Variants in USP13 observed in about 807,000 individuals in gnomAD.
USP13 encodes ubiquitin specific peptidase 13.
Under a neutral mutation model 107.8 loss-of-function variants are expected in USP13, and 68 were observed. That is an observed-to-expected ratio of 0.63 (90% CI 0.52 to 0.77). The LOEUF is 0.77. USP13 is among the 30% of genes least tolerant of loss of function. The pLI is 0.00. For missense variants in USP13, 945 were observed against 1,093.3 expected (o/e 0.86, Z 1.91); for synonymous variants, 377 against 389.5 (o/e 0.97, Z 0.38).
chr3:179,673,419 A>G (rs539586178), intron 1 of USP13, among the ~76,000 whole-genome samples: 83 of 152,180 alleles, frequency 5.5e-4, no homozygotes, highest in Non-Finnish European at 1.0e-3. Context: ...GCCCTGTACC[A>G]GGTACTATTT....
Position 179,740,283 on chromosome 3 carries a change from G to A in USP13, c.1291G>A (p.Ala431Thr), listed in dbSNP as rs777860527. 3 of 1,614,046 alleles carry A rather than the reference G, an allele frequency of 1.9e-6. No homozygotes were observed. Among genetic ancestry groups the A allele is most frequent in the Admixed American group, 1.7e-5 (1 of 59,988 alleles). ...QNGISPRMFK[A>T]FVSKSHPEFS... is the part of the protein sequence containing the mutation. ...CGGGATCTCTCCGCGCATGTTTAAG[G>A]CCTTTGTAAGCAAGAGCCACCCGGA... Residue 431 changes from alanine to threonine, a missense_variant, in exon 11 of 21, where the codon GCC (alanine) becomes ACC (threonine). By Grantham distance (58) the Ala-to-Thr change is moderately conservative. Coordinates refer to ENST00000263966, the MANE Select transcript of USP13 (RefSeq NM_003940.3).
intron 20 of USP13, 88 bp downstream of exon 20, chr3:179,781,911 A>G (rs1715761661): frequency 2.5e-6 from 3 of 1,201,524 alleles, no homozygotes; most frequent in Middle Eastern, 2.0e-4. Flanking sequence ...ATTGTATGTT[A>G]TCTTATTTGG....
In USP13 at chr3:179,655,548, G is replaced by GTTTTTTTTTTTTTTTTTTTTTTTTTT. The variant is rs150977876; in HGVS notation, c.168+2163_168+2164insTTTTTTTTTTTTTTTTTTTTTTTTTT. Among the ~76,000 whole-genome samples the GTTTTTTTTTTTTTTTTTTTTTTTTTT allele has an allele frequency of 1.1e-4, 15 of 131,426 alleles. No individual in the cohort carries two copies. The East Asian group carries it at 1.7e-3, about 15-fold the overall frequency. 86.2% of individuals were successfully genotyped at this position (131,426 alleles called of 152,430 possible). A position where few individuals can be genotyped will look rare whatever the true frequency, so the allele number is the denominator to read the frequency against. Reference sequence around the variant, plus strand: ...AAGCACAGTGCGTGATAATGGGAAGGTTTTTTTTGTTTTGTTTTGTTTTTT... The same window carrying GTTTTTTTTTTTTTTTTTTTTTTTTTT: ...AAGCACAGTGCGTGATAATGGGAAGGTTTTTTTTTTTTTTTTTTTTTTTTTTTTTTTTTTGTTTTGTTTTGTTTTTT... On this transcript the variant is annotated intron_variant, in intron 1 of 20. Transcript: ENST00000263966.
intron 4 of USP13, among the ~76,000 whole-genome samples, chr3:179,704,800 C>T (rs913395248): frequency 3.3e-5 from 5 of 152,110 alleles, no homozygotes; most frequent in African/African-American, 4.8e-5. Context: ...TATTAAGTCC[C>T]GATCTCTAAT....
intron 10 of USP13, among the ~76,000 whole-genome samples, chr3:179,739,028 T>C (rs1219871450): frequency 6.6e-6 from 1 of 152,152 alleles, no homozygotes; most frequent in East Asian, 1.9e-4. Flanking sequence ...GCTGGCTTTT[T>C]TGTGGGGGAA....
intron 20 of USP13, among the ~76,000 whole-genome samples, chr3:179,783,611 A>G (rs754649008): frequency 3.9e-5 from 6 of 152,182 alleles, no homozygotes; most frequent in Non-Finnish European, 7.4e-5. Context: ...CAGGCTATCT[A>G]TGGATTTCTA....
intron 19 of USP13, 120 bp downstream of exon 19, chr3:179,765,968 ATCT>A: frequency 9.3e-7 from 1 of 1,077,140 alleles, no homozygotes; most frequent in Non-Finnish European, 1.3e-6. Context: ...CACAGATCCC[ATCT>A]TCTTCGTTTT....
chr3:179,758,015 C>A (rs772357265), intron 16 of USP13, among the ~76,000 whole-genome samples: 1 of 152,188 alleles, frequency 6.6e-6, no homozygotes, highest in Non-Finnish European at 1.5e-5. Context: ...ATTCTTTCAA[C>A]GGTCTACAAC....
At position 179,653,183 on chromosome 3, in the gene USP13, C is replaced by G. The variant is rs1720135316; in HGVS notation, c.-43C>G. 1.7e-6 allele frequency: 2 copies of G among 1,203,870 alleles called. No homozygotes were observed. Among genetic ancestry groups the G allele is most frequent in the Non-Finnish European group, 2.1e-6 (2 of 966,104 alleles). 74.6% of individuals were successfully genotyped at this position (1,203,870 alleles called of 1,614,324 possible). A position where few individuals can be genotyped will look rare whatever the true frequency, so the allele number is the denominator to read the frequency against. On this transcript the variant is annotated 5_prime_UTR_variant, in exon 1 of 21. Coordinates refer to ENST00000263966, the MANE Select transcript of USP13 (RefSeq NM_003940.3). This position sits in a 1 kb window ranked among gnomAD's most constrained non-coding sequence, Gnocchi z 4.0. ...GCCGCCGCCGGCAGACCCCGCGCTC[C>G]GGCTCCGGCTCGGCTCGCTCGGCTC...
chr3:179,703,452 C>T (rs1013119700), intron 4 of USP13, among the ~76,000 whole-genome samples: 6 of 152,150 alleles, frequency 3.9e-5, no homozygotes. Context: ...AAAGTTAAAG[C>T]ACCTCTGGGT....
chr3:179,678,202 G>A lies in USP13; in HGVS notation c.169-3676G>A, dbSNP rs1048399935. 6.6e-6 allele frequency among the ~76,000 whole-genome samples: 1 copy of A among 152,052 alleles called. No homozygotes were observed. Among genetic ancestry groups the A allele is most frequent in the Non-Finnish European group, 1.5e-5 (1 of 68,024 alleles). On this transcript the variant is annotated intron_variant, in intron 1 of 20. Transcript: ENST00000263966. This position sits in a 1 kb window ranked among gnomAD's most constrained non-coding sequence, Gnocchi z 4.2. ...TTGACTGAATTACATTTTATTAGAA[G>A]AGAATGGAACTTTTTAAAAAAATCA...
At chr3:179,689,997 T>G (rs1337906076) in intron 2 of USP13, among the ~76,000 whole-genome samples, 1 of 152,194 alleles carries the variant, frequency 6.6e-6, no homozygotes, top group Non-Finnish European at 1.5e-5. Flanking sequence ...ATCCCTGGTT[T>G]CCATTTCTTT....
intron 3 of USP13, among the ~76,000 whole-genome samples, chr3:179,693,481 T>A (rs1712180293): frequency 6.6e-6 from 1 of 152,000 alleles, no homozygotes. Context: ...GGAATTCATT[T>A]TTTGCAAGTT....
At chr3:179,739,073 T>A (rs912157668) in intron 10 of USP13, among the ~76,000 whole-genome samples, 1 of 152,208 alleles carries the variant, frequency 6.6e-6, no homozygotes, top group Non-Finnish European at 1.5e-5. Context: ...TCCCCGCAAC[T>A]GTTATACCAC....
intron 2 of USP13, among the ~76,000 whole-genome samples, chr3:179,686,186 C>A (rs1274289872): frequency 1.3e-5 from 2 of 152,184 alleles, no homozygotes; most frequent in African/African-American, 4.8e-5. Flanking sequence ...TAAGCCTTTT[C>A]TATACATTCC....
chr3:179,775,916 G>A (rs958076056), intron 19 of USP13, among the ~76,000 whole-genome samples: 1 of 152,158 alleles, frequency 6.6e-6, no homozygotes, highest in Non-Finnish European at 1.5e-5. Flanking sequence ...CTCTCAGCCA[G>A]CCCAGAGAGG....
intron 8 of USP13, among the ~76,000 whole-genome samples, chr3:179,728,266 G>A (rs1227380670): frequency 2.7e-5 from 4 of 150,144 alleles, no homozygotes; most frequent in South Asian, 2.1e-4. Flanking sequence ...CTTCCCAGAC[G>A]GGGCAGTTGC....
intron 3 of USP13, among the ~76,000 whole-genome samples, chr3:179,697,201 G>A (rs1051675795): frequency 3.9e-5 from 6 of 152,144 alleles, no homozygotes; most frequent in African/African-American, 1.4e-4. Flanking sequence ...GCAAAGTTTC[G>A]CTAATGGGCC....
chr3:179,682,945 T>A (rs1194858397), intron 2 of USP13, among the ~76,000 whole-genome samples: 1 of 152,184 alleles, frequency 6.6e-6, no homozygotes, highest in Non-Finnish European at 1.5e-5. Flanking sequence ...ATAATTATGA[T>A]TTCTTGCTTT....
Sources: gnomAD v4.1 joint callset for allele counts (sites outside exome capture counted in the v4.1 genomes callset) on GRCh38, gnomAD v4.1.1 for gene constraint, Gnocchi (gnomAD v3.1) non-coding constraint, MANE v1.5 for transcripts, NCBI Gene and HGNC (gene_info 2026-07-23, HGNC 2026-07-21) for gene names.